CCAR1: variants seen among roughly 807,000 people sequenced by gnomAD.
CCAR1 encodes the protein cell division cycle and apoptosis regulator protein 1.
CCAR1 carries 78 observed loss-of-function variants against 163.8 expected under a neutral mutation model. That is an observed-to-expected ratio of 0.48 (90% CI 0.40 to 0.57). The LOEUF is 0.57. Among genes scored for constraint, CCAR1 ranks in the 20% least tolerant of loss-of-function variants. The pLI, the probability that CCAR1 is intolerant of heterozygous loss-of-function variation, is 0.00. For missense variants in CCAR1, 1,019 were observed against 1,365.2 expected (o/e 0.75, Z 4.00); for synonymous variants, 443 against 460.7 (o/e 0.96, Z 0.49).
At chr10:68,736,401 T>C (rs1003698915) in intron 2 of CCAR1, among the ~76,000 whole-genome samples, 15 of 152,152 alleles carry the variant, frequency 9.9e-5, no homozygotes, top group African/African-American at 3.6e-4. Flanking sequence ...TAATGTATTG[T>C]TATTAACTGT....
intron 2 of CCAR1, among the ~76,000 whole-genome samples, chr10:68,730,219 C>G (rs1309119518): frequency 2.6e-5 from 4 of 151,052 alleles, no homozygotes; most frequent in African/African-American, 9.7e-5. Context: ...TGCGCCCAGC[C>G]CCTCTTTTGT....
chr10:68,751,344 T>G (rs199498172), intron 10 of CCAR1, among the ~76,000 whole-genome samples: 1 of 152,004 alleles, frequency 6.6e-6, no homozygotes, highest in East Asian at 1.9e-4. Context: ...TACTCTTAAC[T>G]TTACACTAGT....
chr10:68,791,131 C>A, intron 24 of CCAR1, 76 bp from the exon 25 acceptor site: 1 of 793,336 alleles, frequency 1.3e-6, no homozygotes, highest in African/African-American at 1.8e-5. Flanking sequence ...AACTGAATAC[C>A]ATTGTACTCT....
Position 68,749,684 on chromosome 10 carries a change from T to A in CCAR1, c.1117T>A (p.Cys373Ser). The A allele has an allele frequency of 6.2e-7, 1 of 1,601,764 alleles. No homozygotes were observed. The highest frequency in any genetic ancestry group is 8.5e-7 in the Non-Finnish European group (1 of 1,170,694). Residue 373 changes from cysteine (C) to serine (S), a missense_variant and splice_region_variant, in exon 10 of 25, where the codon TGT becomes AGT. Cys to Ser is a moderately radical substitution (Grantham distance 112). Transcript: ENST00000265872. The stretch of plus-strand genomic sequence containing the variant: ...TCAGTTTTCAAAGTTTTCTTTAGAT[T>A]GGTAGGTTATTCCCCACCCATTGTT... ...TVQFSKFSLD[C>S]PSCDMMELRR...
At chr10:68,766,422 C>T (rs528608268) in intron 17 of CCAR1, among the ~76,000 whole-genome samples, 9 of 151,842 alleles carry the variant, frequency 5.9e-5, no homozygotes, top group South Asian at 2.1e-4. Flanking sequence ...AGCCTGGTCT[C>T]GAACTCCTGA....
At chr10:68,755,135 T>C in intron 12 of CCAR1, 1 of 718,280 alleles carries the variant, frequency 1.4e-6, no homozygotes. Flanking sequence ...CTTGTTTCTT[T>C]AAAAGAACTC....
chr10:68,722,321 A>G (rs1472105312), intron 1 of CCAR1, 134 bp from the exon 2 acceptor site: 1 of 586,282 alleles, frequency 1.7e-6, no homozygotes, highest in Non-Finnish European at 3.1e-6. Flanking sequence ...CCCTTTTTCT[A>G]CTTAACAGTT....
intron 1 of CCAR1, among the ~76,000 whole-genome samples, chr10:68,722,131 G>A (rs2055868499): frequency 6.6e-6 from 1 of 152,114 alleles, no homozygotes; most frequent in African/African-American, 2.4e-5. Flanking sequence ...ATAAAGTTGT[G>A]AACTTTTTGT....
intron 10 of CCAR1, 49 bp downstream of exon 10, chr10:68,749,734 A>G: frequency 6.8e-7 from 1 of 1,461,690 alleles, no homozygotes; most frequent in South Asian, 1.2e-5. Flanking sequence ...ATTTCATATA[A>G]TTTGATAGAA....
At chr10:68,785,281 C>T (rs2056784291) in intron 19 of CCAR1, among the ~76,000 whole-genome samples, 2 of 150,642 alleles carry the variant, frequency 1.3e-5, no homozygotes, top group African/African-American at 4.9e-5. Context: ...AGTGCAGTAG[C>T]ATGAACATGG....
intron 2 of CCAR1, 48 bp downstream of exon 2, chr10:68,722,625 TA>T (rs1246421743): frequency 1.4e-6 from 2 of 1,423,270 alleles, no homozygotes; most frequent in Non-Finnish European, 2.0e-6. Context: ...GGGGACTTGT[TA>T]AAACTACGTG....
At chr10:68,744,161 A>G (rs2056222036) in intron 6 of CCAR1, among the ~76,000 whole-genome samples, 1 of 152,212 alleles carries the variant, frequency 6.6e-6, no homozygotes, top group South Asian at 2.1e-4. Flanking sequence ...CTGGGATTAT[A>G]GGCGTGAACC....
chr10:68,740,704 C>T, intron 5 of CCAR1, 43 bp downstream of exon 5: 4 of 1,470,660 alleles, frequency 2.7e-6, no homozygotes, highest in Non-Finnish European at 3.8e-6. Flanking sequence ...TCTGAATGAA[C>T]AGTAGACTAA....
intron 2 of CCAR1, among the ~76,000 whole-genome samples, chr10:68,724,623 CA>C (rs201470088): frequency 3.2e-4 from 47 of 145,190 alleles, no homozygotes; most frequent in South Asian, 4.3e-4. Context: ...AAACTACATT[CA>C]AAAAAAAAAA....
rs529097193 is a variant in CCAR1, at chr10:68,745,730, C to T, written c.519-1431C>T. 2.6e-5 allele frequency among the ~76,000 whole-genome samples: 4 copies of T among 152,054 alleles called. No individual in the cohort carries two copies. The South Asian group carries it at 8.3e-4, about 32-fold the overall frequency. The stretch of plus-strand genomic sequence containing the variant: ...CCACCTGCCTCAGCCTCCCAAAGTG[C>T]TGGGATTACAGGCGTGAGCCACAAC... On this transcript the variant is annotated intron_variant, in intron 6 of 24. Transcript: ENST00000265872.
intron 19 of CCAR1, among the ~76,000 whole-genome samples, chr10:68,781,767 G>T (rs936860421): frequency 2.0e-5 from 3 of 151,626 alleles, no homozygotes; most frequent in Non-Finnish European, 2.9e-5. Flanking sequence ...AGGAGGATCT[G>T]TTGAGCCCAA....
chr10:68,761,646 A>G (rs979087128), intron 16 of CCAR1, among the ~76,000 whole-genome samples: 1 of 151,434 alleles, frequency 6.6e-6, no homozygotes, highest in East Asian at 2.0e-4. Flanking sequence ...CTTGTTGCCT[A>G]GGAGGGAGTG....
intron 23 of CCAR1, among the ~76,000 whole-genome samples, chr10:68,788,965 A>G (rs1326974439): frequency 6.6e-6 from 1 of 151,226 alleles, no homozygotes; most frequent in Non-Finnish European, 1.5e-5. Context: ...GCTGGAGTGC[A>G]GTGGGGCTAT....
Position 68,791,248 on chromosome 10 carries a change from G to A in CCAR1, c.3435G>A (p.Glu1145=). The change falls in exon 25 of 25, where the codon GAG becomes GAA. Residue 1145 remains glutamate, a synonymous_variant. Coordinates refer to ENST00000265872, the MANE Select transcript of CCAR1 (RefSeq NM_018237.4). The part of the protein sequence containing the change: ...KNEDKDQKSK[E]NGASV ...AAGACAAAGATCAAAAATCCAAGGA[G>A]AATGGTGCCAGTGTATGATAAAATC... 3 of 1,599,688 alleles carry A rather than the reference G, an allele frequency of 1.9e-6. No individual in the cohort carries two copies. The highest frequency in any genetic ancestry group is 2.6e-6 in the Non-Finnish European group (3 of 1,169,040).
Sources: gnomAD v4.1 joint callset for allele counts (sites outside exome capture counted in the v4.1 genomes callset) on GRCh38, gnomAD v4.1.1 for gene constraint, MANE v1.5 for transcripts, NCBI Gene and HGNC (gene_info 2026-07-23, HGNC 2026-07-21) for gene names.